KCNT2: variants seen among roughly 807,000 people sequenced by gnomAD.
KCNT2 encodes potassium channel subfamily T member 2.
KCNT2 carries 67 observed loss-of-function variants against 153.8 expected under a neutral mutation model. The observed-to-expected ratio is 0.44, with a 90% confidence interval of 0.36 to 0.53. The LOEUF is 0.53. Among genes scored for constraint, KCNT2 ranks in the 20% least tolerant of loss-of-function variants. KCNT2 has a pLI of 0.00. For missense variants in KCNT2, 975 were observed against 1,354.8 expected (o/e 0.72, Z 4.40); for synonymous variants, 500 against 458.8 (o/e 1.09, Z -1.15).
At chr1:196,583,814 T>C (rs78025682) in intron 1 of KCNT2, among the ~76,000 whole-genome samples, 2,207 of 152,082 alleles carry the variant, frequency 0.015, 57 homozygotes, top group African/African-American at 0.05. Flanking sequence ...ATGCACAAGA[T>C]AGAAGAGTAA....
chr1:196,304,194 G>A (rs1661427132), intron 22 of KCNT2, among the ~76,000 whole-genome samples: 1 of 151,996 alleles, frequency 6.6e-6, no homozygotes, highest in African/African-American at 2.4e-5. Flanking sequence ...ATAGATGAGG[G>A]TACAGACACA....
At chr1:196,570,819 A>G (rs2148949905) in intron 1 of KCNT2, among the ~76,000 whole-genome samples, 1 of 152,230 alleles carries the variant, frequency 6.6e-6, no homozygotes, top group South Asian at 2.1e-4. Context: ...GAACACAGAG[A>G]GTTCATCTTA....
At chr1:196,390,587 T>C (rs1018401550) in intron 13 of KCNT2, among the ~76,000 whole-genome samples, 1 of 151,502 alleles carries the variant, frequency 6.6e-6, no homozygotes, top group Non-Finnish European at 1.5e-5. Flanking sequence ...ATGAGGTTTT[T>C]TTTGTCCTCC....
At chr1:196,235,159 A>T (rs879502456) in intron 27 of KCNT2, among the ~76,000 whole-genome samples, 2 of 151,360 alleles carry the variant, frequency 1.3e-5, no homozygotes, top group African/African-American at 2.4e-5. Context: ...TTACAACAGA[A>T]ATGCTAACTA....
intron 12 of KCNT2, among the ~76,000 whole-genome samples, chr1:196,399,716 A>T (rs1191849101): frequency 6.6e-6 from 1 of 151,774 alleles, no homozygotes; most frequent in African/African-American, 2.4e-5. Flanking sequence ...ACATGTTGAA[A>T]TCCTACCCTG....
intron 26 of KCNT2, among the ~76,000 whole-genome samples, chr1:196,246,119 A>G (rs1427559725): frequency 6.6e-6 from 1 of 152,172 alleles, no homozygotes; most frequent in Non-Finnish European, 1.5e-5. Context: ...ACAACATACA[A>G]TGGTGCTCTA....
chr1:196,281,055 ATTTC>A, intron 24 of KCNT2, 67 bp from the exon 25 acceptor site: 1 of 1,248,232 alleles, frequency 8.0e-7, no homozygotes, highest in South Asian at 1.3e-5. Context: ...GTAACTTTAC[ATTTC>A]TTTATTTGCT....
chr1:196,294,126 G>T (rs1378209317), intron 22 of KCNT2, among the ~76,000 whole-genome samples: 1 of 152,060 alleles, frequency 6.6e-6, no homozygotes, highest in Admixed American at 6.6e-5. Flanking sequence ...GATCATCAGG[G>T]AAATGCAAAT....
intron 22 of KCNT2, 72 bp from the exon 23 acceptor site, chr1:196,285,830 T>C (rs1659602431): frequency 1.2e-6 from 1 of 833,248 alleles, no homozygotes; most frequent in Admixed American, 1.9e-5. Context: ...CAGTAAATTG[T>C]GTTGACATAC....
At chr1:196,248,349 C>T (rs975801743) in intron 26 of KCNT2, among the ~76,000 whole-genome samples, 1 of 151,410 alleles carries the variant, frequency 6.6e-6, no homozygotes, top group Non-Finnish European at 1.5e-5. Flanking sequence ...AAAAGATCAA[C>T]AAAAGAAAAA....
intron 14 of KCNT2, among the ~76,000 whole-genome samples, chr1:196,364,185 AG>A (rs1667855087): frequency 6.6e-6 from 1 of 152,204 alleles, no homozygotes; most frequent in Non-Finnish European, 1.5e-5. Context: ...TGATTATAAA[AG>A]ATAAATGTTA....
intron 22 of KCNT2, among the ~76,000 whole-genome samples, chr1:196,288,992 G>A (rs1659935477): frequency 6.6e-6 from 1 of 152,052 alleles, no homozygotes; most frequent in Non-Finnish European, 1.5e-5. Flanking sequence ...TTATAACTGT[G>A]AATTGGGATT....
At chr1:196,504,421 T>C (rs1680958807) in intron 1 of KCNT2, among the ~76,000 whole-genome samples, 1 of 152,128 alleles carries the variant, frequency 6.6e-6, no homozygotes, top group African/African-American at 2.4e-5. Context: ...AACTCTTCCT[T>C]TTTTATGGCT....
At chr1:196,585,863 A>G (rs1369858916) in intron 1 of KCNT2, among the ~76,000 whole-genome samples, 1 of 152,160 alleles carries the variant, frequency 6.6e-6, no homozygotes, top group Non-Finnish European at 1.5e-5. Context: ...TTTAGTTTTT[A>G]TAGCCCATCA....
rs532123171 is a variant in KCNT2, at chr1:196,378,515, C to T, written c.1295-5267G>A. ...TGTCAAATACTCCAAGTTTTAGTGG[C>T]GCTATATGAATGCCATTTATAGTAG... On this transcript the variant is annotated intron_variant, in intron 13 of 27. Transcript: ENST00000294725. 5.9e-5 allele frequency among the ~76,000 whole-genome samples: 9 copies of T among 151,588 alleles called. No individual in the cohort carries two copies. In the South Asian group the frequency reaches 1.0e-3, roughly 18 times the overall value.
At chr1:196,371,220 CAAAAAAAAAAAAAAA>C (rs952744388) in intron 14 of KCNT2, among the ~76,000 whole-genome samples, 1 of 21,934 alleles carries the variant, frequency 4.6e-5, no homozygotes, top group African/African-American at 1.5e-4. Context: ...CCCGTCACTA[CAAAAAAAAAAAAAAA>C]AAAAAAAAAA....
At chr1:196,288,737 C>A (rs1403716712) in intron 22 of KCNT2, among the ~76,000 whole-genome samples, 1 of 152,022 alleles carries the variant, frequency 6.6e-6, no homozygotes, top group Non-Finnish European at 1.5e-5. Flanking sequence ...GATAATGAGG[C>A]AGATGATTGC....
At chr1:196,604,701 T>C (rs533245141) in intron 1 of KCNT2, among the ~76,000 whole-genome samples, 1 of 151,594 alleles carries the variant, frequency 6.6e-6, no homozygotes, top group Non-Finnish European at 1.5e-5. Flanking sequence ...GACATATCTA[T>C]TCATTACATA....
chr1:196,373,335 T>A, intron 13 of KCNT2, 87 bp from the exon 14 acceptor site: 1 of 686,880 alleles, frequency 1.5e-6, no homozygotes, highest in Non-Finnish European at 2.6e-6. Context: ...AATAAAATGG[T>A]AAAAGTCTCA....
Sources: allele counts gnomAD v4.1 joint callset (sites outside exome capture counted in the v4.1 genomes callset), GRCh38; gene constraint gnomAD v4.1.1; transcripts MANE v1.5; gene names NCBI Gene and HGNC (gene_info 2026-07-23, HGNC 2026-07-21).